The following FSTL4 variants were observed in gnomAD, a reference collection of about 807,000 sequenced individuals.
FSTL4 encodes follistatin-related protein 4.
FSTL4 carries 28 observed loss-of-function variants against 78.2 expected under a neutral mutation model. The observed-to-expected ratio is 0.36, with a 90% CI of 0.27 to 0.49. The LOEUF (loss-of-function observed/expected upper bound fraction) is 0.49. FSTL4 is among the 20% of genes least tolerant of loss of function. The pLI, the probability that FSTL4 is intolerant of heterozygous loss-of-function variation, is 0.98. For synonymous variants in FSTL4, 422 were observed against 440.5 expected (o/e 0.96, Z 0.53); for missense variants, 922 against 1,084.9 (o/e 0.85, Z 2.11).
At chr5:133,240,279 G>A (rs1159497610) in intron 7 of FSTL4, among the ~76,000 whole-genome samples, 1 of 152,236 alleles carries the variant, frequency 6.6e-6, no homozygotes, top group Admixed American at 6.5e-5. Flanking sequence ...GTGAGACCAA[G>A]AACCCACCAA....
At chr5:133,407,634 C>T (rs964487928) in intron 3 of FSTL4, among the ~76,000 whole-genome samples, 9 of 152,190 alleles carry the variant, frequency 5.9e-5, no homozygotes, top group Non-Finnish European at 1.2e-4. Context: ...GAAGGAACAC[C>T]TTTCATCTGT....
intron 2 of FSTL4, 91 bp from the exon 3 acceptor site, chr5:133,567,310 T>C: frequency 1.1e-6 from 1 of 941,364 alleles, no homozygotes; most frequent in Non-Finnish European, 1.7e-6. Flanking sequence ...GTCACACATT[T>C]ATGAAAAGGT....
chr5:133,712,285 C>A, the FSTL4 span, among the ~76,000 whole-genome samples: 1 of 152,148 alleles, frequency 6.6e-6, no homozygotes, highest in African/African-American at 2.4e-5. Context: ...TCAATGGCAT[C>A]GTCCAGGACT....
chr5:133,837,385 C>A, the FSTL4 span, among the ~76,000 whole-genome samples: 107 of 152,304 alleles, frequency 7.0e-4, 1 homozygote, highest in African/African-American at 2.5e-3. Context: ...TCCAGGCTTC[C>A]TGTAAGTCTA....
the FSTL4 span, among the ~76,000 whole-genome samples, chr5:133,763,157 C>T: frequency 5.3e-5 from 8 of 152,224 alleles, no homozygotes; most frequent in Non-Finnish European, 1.0e-4. Context: ...ATCACCAGTA[C>T]TTTGGACATG....
chr5:133,354,044 T>G (rs1754889008), intron 4 of FSTL4, among the ~76,000 whole-genome samples: 1 of 152,212 alleles, frequency 6.6e-6, no homozygotes, highest in Admixed American at 6.5e-5. Flanking sequence ...AGGAGCTGCA[T>G]CCGGTCTTAA....
intron 4 of FSTL4, among the ~76,000 whole-genome samples, chr5:133,395,150 C>G (rs1028030735): frequency 6.6e-6 from 1 of 152,164 alleles, no homozygotes; most frequent in African/African-American, 2.4e-5. Context: ...TAAAAGCAGG[C>G]TGCCCCAGCC....
At chr5:133,271,481 A>G (rs1241803452) in intron 6 of FSTL4, among the ~76,000 whole-genome samples, 6 of 152,212 alleles carry the variant, frequency 3.9e-5, no homozygotes, top group African/African-American at 1.4e-4. Context: ...TGTGGAGAGC[A>G]CAGACCTGCT....
chr5:133,383,706 C>T (rs1755631718), intron 4 of FSTL4, among the ~76,000 whole-genome samples: 1 of 152,204 alleles, frequency 6.6e-6, no homozygotes, highest in Non-Finnish European at 1.5e-5. Flanking sequence ...TACCGATTTC[C>T]AGGAGTAACT....
intron 3 of FSTL4, among the ~76,000 whole-genome samples, chr5:133,466,474 G>A (rs373313871): frequency 1.1e-4 from 16 of 152,142 alleles, no homozygotes; most frequent in South Asian, 4.2e-4. Context: ...CCCAGGAGGC[G>A]GAGCTTGCAG....
chr5:133,818,096 C>T, the FSTL4 span, among the ~76,000 whole-genome samples: 1 of 152,226 alleles, frequency 6.6e-6, no homozygotes, highest in Admixed American at 6.5e-5. Context: ...AATGACTCTC[C>T]TTCCACGTGG....
At chr5:133,590,159 G>T (rs966569785) in intron 2 of FSTL4, among the ~76,000 whole-genome samples, 1 of 151,152 alleles carries the variant, frequency 6.6e-6, no homozygotes, top group African/African-American at 2.5e-5. Flanking sequence ...CTGTCACCAG[G>T]CTAGAGTGCA....
intron 4 of FSTL4, among the ~76,000 whole-genome samples, chr5:133,350,401 G>A (rs939051672): frequency 5.9e-5 from 9 of 152,360 alleles, no homozygotes; most frequent in African/African-American, 1.9e-4. Context: ...ATGAGAACCC[G>A]CTGTTGCACG....
At chr5:133,273,350 A>G (rs1022591555) in intron 6 of FSTL4, among the ~76,000 whole-genome samples, 1 of 152,202 alleles carries the variant, frequency 6.6e-6, no homozygotes, top group Non-Finnish European at 1.5e-5. Flanking sequence ...TTACATCTCA[A>G]TTTGGACTAG....
chr5:133,577,850 T>G (rs765337027), intron 2 of FSTL4, among the ~76,000 whole-genome samples: 4 of 152,094 alleles, frequency 2.6e-5, no homozygotes, highest in Non-Finnish European at 5.9e-5. Flanking sequence ...GAGGCTGCAA[T>G]GGAGCGCCAC....
At chr5:133,439,610 G>A (rs1281175064) in intron 3 of FSTL4, among the ~76,000 whole-genome samples, 1 of 152,220 alleles carries the variant, frequency 6.6e-6, no homozygotes, top group Non-Finnish European at 1.5e-5. Context: ...GTAACTGGGA[G>A]AGTCCCTTCC....
At chr5:133,393,253 G>T (rs1361355942) in intron 4 of FSTL4, among the ~76,000 whole-genome samples, 1 of 152,210 alleles carries the variant, frequency 6.6e-6, no homozygotes, top group African/African-American at 2.4e-5. Flanking sequence ...ATTCCCGTTT[G>T]TCCTTGAGGT....
At chr5:133,670,183 G>A in the FSTL4 span, among the ~76,000 whole-genome samples, 1 of 152,224 alleles carries the variant, frequency 6.6e-6, no homozygotes, top group Non-Finnish European at 1.5e-5. Flanking sequence ...CTGAGCATGA[G>A]GTGGCTATCA....
At chr5:133,266,305 C>T (rs73788027) in intron 6 of FSTL4, among the ~76,000 whole-genome samples, 378 of 152,394 alleles carry the variant, frequency 2.5e-3, no homozygotes, top group Non-Finnish European at 4.3e-3. Flanking sequence ...CTTCTACAGA[C>T]GGATTAGGAA....
Sources: gnomAD v4.1 joint callset for allele counts (sites outside exome capture counted in the v4.1 genomes callset) on GRCh38, gnomAD v4.1.1 for gene constraint, MANE v1.5 for transcripts, NCBI Gene and HGNC (gene_info 2026-07-23, HGNC 2026-07-21) for gene names.